Variants in LRBA observed in about 807,000 individuals in gnomAD.
LRBA encodes the protein LPS responsive beige-like anchor protein.
LRBA carries 176 observed loss-of-function variants against 330.0 expected under a neutral mutation model. The observed-to-expected ratio is 0.53, with a 90% CI of 0.47 to 0.60. LRBA has a LOEUF of 0.60. Ranked by LOEUF, LRBA falls within the 20% of genes least tolerant of loss-of-function variation. LRBA has a pLI of 0.00. For missense variants in LRBA, 3,259 were observed against 3,444.8 expected, an observed-to-expected ratio of 0.95 and a Z score of 1.35; for synonymous variants, 1,230 against 1,193.0, an observed-to-expected ratio of 1.03 and a Z score of -0.64.
At chr4:150,816,088 A>G (rs1312912745) in intron 31 of LRBA, among the ~76,000 whole-genome samples, 1 of 151,996 alleles carries the variant, frequency 6.6e-6, no homozygotes, top group Non-Finnish European at 1.5e-5. Context: ...ACTGGCCAGT[A>G]GCAATATCAA....
chr4:150,965,760 T>C (rs1738811041), intron 2 of LRBA, among the ~76,000 whole-genome samples: 1 of 151,766 alleles, frequency 6.6e-6, no homozygotes, highest in South Asian at 2.1e-4. Flanking sequence ...TCCAGGTTGG[T>C]CTCAAACTCC....
intron 34 of LRBA, among the ~76,000 whole-genome samples, chr4:150,792,890 G>A (rs1378222448): frequency 6.6e-6 from 1 of 152,132 alleles, no homozygotes; most frequent in African/African-American, 2.4e-5. Flanking sequence ...AGACCAGCCT[G>A]GCCAACATGG....
At chr4:150,665,427 C>T (rs1467950482) in intron 37 of LRBA, among the ~76,000 whole-genome samples, 3 of 151,770 alleles carry the variant, frequency 2.0e-5, no homozygotes. Flanking sequence ...CAAGGGTCCA[C>T]CTTGTAACTG....
chr4:150,940,385 G>T (rs1735537039), intron 2 of LRBA, among the ~76,000 whole-genome samples: 1 of 152,202 alleles, frequency 6.6e-6, no homozygotes, highest in African/African-American at 2.4e-5. Context: ...CTGGGTGACA[G>T]GGCAAGATGC....
chr4:150,280,227 C>T (rs914957754), intron 55 of LRBA, among the ~76,000 whole-genome samples: 5 of 152,144 alleles, frequency 3.3e-5, no homozygotes, highest in South Asian at 2.1e-4. Flanking sequence ...TCTGACAGGC[C>T]GCCTCCGCAT....
At chr4:150,894,647 T>C (rs1301392009) in intron 16 of LRBA, among the ~76,000 whole-genome samples, 1 of 152,192 alleles carries the variant, frequency 6.6e-6, no homozygotes, top group Non-Finnish European at 1.5e-5. Flanking sequence ...TGGAAGCTAC[T>C]TGTATACCGA....
At chr4:150,715,977 T>C (rs1221901432) in intron 36 of LRBA, among the ~76,000 whole-genome samples, 2 of 152,188 alleles carry the variant, frequency 1.3e-5, no homozygotes, top group African/African-American at 2.4e-5. Flanking sequence ...AGAATTATAC[T>C]GTGAGCAAAT....
At chr4:150,342,078 A>G (rs1735655343) in intron 48 of LRBA, among the ~76,000 whole-genome samples, 1 of 152,004 alleles carries the variant, frequency 6.6e-6, no homozygotes. Flanking sequence ...TAATTCGTAA[A>G]AATAGTTATT....
intron 40 of LRBA, among the ~76,000 whole-genome samples, chr4:150,564,923 A>C (rs931099574): frequency 1.3e-5 from 2 of 152,182 alleles, no homozygotes; most frequent in Non-Finnish European, 2.9e-5. Flanking sequence ...ATGCTTTTAC[A>C]TCGTTGGTGG....
At chr4:150,731,772 T>C (rs1363846803) in intron 36 of LRBA, among the ~76,000 whole-genome samples, 1 of 152,158 alleles carries the variant, frequency 6.6e-6, no homozygotes, top group Admixed American at 6.6e-5. Context: ...TAAGATCTAA[T>C]ATTTGATAGC....
Position 150,546,908 on chromosome 4 carries a change from T to C in LRBA, c.6330+41140A>G, listed in dbSNP as rs187271334. On this transcript the variant is annotated intron_variant, in intron 40 of 56. Coordinates refer to ENST00000651943, the MANE Select transcript of LRBA (RefSeq NM_001364905.1). ...TCTAAGGAACTAAAAGGCAAAATCT[T>C]CCAACCTTCTGTTGGGAAATTTAAA... 1.7e-3 allele frequency among the ~76,000 whole-genome samples: 256 copies of C among 152,284 alleles called. 2 individuals carry two copies. Among genetic ancestry groups the C allele is most frequent in the African/African-American group, 6.0e-3 (249 of 41,566 alleles).
intron 34 of LRBA, among the ~76,000 whole-genome samples, chr4:150,770,419 C>T (rs964274954): frequency 5.3e-5 from 8 of 152,102 alleles, no homozygotes; most frequent in Middle Eastern, 3.4e-3. Flanking sequence ...TTCCTAATAT[C>T]CCACAATTTA....
chr4:150,715,962 C>T (rs1471826930), intron 36 of LRBA, among the ~76,000 whole-genome samples: 1 of 152,134 alleles, frequency 6.6e-6, no homozygotes, highest in Admixed American at 6.6e-5. Flanking sequence ...TCCATACACC[C>T]AAGAAGAATT....
chr4:150,709,139 G>A (rs1785933077), intron 36 of LRBA, among the ~76,000 whole-genome samples: 1 of 151,552 alleles, frequency 6.6e-6, no homozygotes, highest in Admixed American at 6.6e-5. Context: ...TTAAGACTCA[G>A]AGAGGTTCAA....
intron 2 of LRBA, among the ~76,000 whole-genome samples, chr4:150,956,055 T>A (rs1036465422): frequency 1.3e-5 from 2 of 149,012 alleles, no homozygotes; most frequent in Non-Finnish European, 2.9e-5. Context: ...GTGGTATTTT[T>A]AAAAATAAAA....
At chr4:150,971,210 C>A (rs752431677) in intron 2 of LRBA, among the ~76,000 whole-genome samples, 1 of 152,206 alleles carries the variant, frequency 6.6e-6, no homozygotes, top group Non-Finnish European at 1.5e-5. Flanking sequence ...CATAATTTCA[C>A]ATTTCCCTTT....
At chr4:150,369,737 G>A (rs1020476404) in intron 47 of LRBA, among the ~76,000 whole-genome samples, 3 of 152,076 alleles carry the variant, frequency 2.0e-5, no homozygotes, top group Admixed American at 6.6e-5. Flanking sequence ...TGAAATATTT[G>A]TAAAATGTTT....
At chr4:150,560,135 G>C (rs1339296177) in intron 40 of LRBA, among the ~76,000 whole-genome samples, 2 of 149,988 alleles carry the variant, frequency 1.3e-5, no homozygotes. Flanking sequence ...GTATTCAGGG[G>C]GAAAGGAGTA....
intron 40 of LRBA, among the ~76,000 whole-genome samples, chr4:150,569,811 A>G (rs1344128895): frequency 6.6e-6 from 1 of 152,142 alleles, no homozygotes; most frequent in Admixed American, 6.6e-5. Context: ...TCATAAACTG[A>G]AATCCAGAAT....
Sources: gnomAD v4.1 joint callset for allele counts (sites outside exome capture counted in the v4.1 genomes callset) on GRCh38, gnomAD v4.1.1 for gene constraint, MANE v1.5 for transcripts, NCBI Gene and HGNC (gene_info 2026-07-23, HGNC 2026-07-21) for gene names.